CLN6: variants seen among roughly 807,000 people sequenced by gnomAD.
CLN6 encodes CLN6 transmembrane ER protein, also known as ceroid-lipofuscinosis neuronal protein 6.
CLN6 carries 22 observed loss-of-function variants against 33.3 expected under a neutral mutation model. The observed-to-expected ratio is 0.66, with a 90% CI of 0.47 to 0.94. The LOEUF (loss-of-function observed/expected upper bound fraction) is 0.94. CLN6 is among the 40% of genes least tolerant of loss of function. CLN6 has a pLI of 0.00. For missense variants in CLN6, 387 were observed against 417.1 expected (o/e 0.93, Z 0.63); for synonymous variants, 201 against 174.6 (o/e 1.15, Z -1.19).
intron 1 of CLN6, among the ~76,000 whole-genome samples, chr15:68,224,338 T>C (rs2093246066): frequency 1.4e-5 from 2 of 147,494 alleles, no homozygotes; most frequent in Admixed American, 1.4e-4. Context: ...AAATCAAGAT[T>C]AGACTGGGCA....
At chr15:68,221,044 G>A (rs35082625) in intron 1 of CLN6, among the ~76,000 whole-genome samples, 56,782 of 151,300 alleles carry the variant, frequency 0.38, 12,820 homozygotes, top group East Asian at 0.78. Context: ...TAGAGATGAG[G>A]TCTCACTATG....
At chr15:68,233,535 C>T (rs954915510), upstream of CLN6, among the ~76,000 whole-genome samples, 7 of 152,206 alleles carry the variant, frequency 4.6e-5, no homozygotes, top group Non-Finnish European at 8.8e-5. The surrounding 1 kb of genome is among the most constrained non-coding windows in gnomAD (Gnocchi z 4.3). Flanking sequence ...AATCCAGTAC[C>T]CTTTCTATCC....
upstream of CLN6, among the ~76,000 whole-genome samples, chr15:68,230,632 T>G (rs1322129008): frequency 6.6e-6 from 1 of 152,218 alleles, no homozygotes. The surrounding 1 kb of genome is among the most constrained non-coding windows in gnomAD (Gnocchi z 4.0). Context: ...TACTCATCTG[T>G]AACAAGAAGA....
rs1157594119 is a variant in CLN6 at position 68,247,322 on chromosome 15, T to C, written c.179+9368A>G. Among the ~76,000 whole-genome samples, 1 of 152,114 alleles carries C rather than the reference T, an allele frequency of 6.6e-6. No homozygotes were observed. The highest frequency in any genetic ancestry group is 2.4e-5 in the African/African-American group (1 of 41,386). ...AAACAAATGCAGTAAAGTCGCTGGA[T>C]ACAAAATCAACAGACAAAAATCTGT... is the stretch of plus-strand genomic sequence containing the variant. On this transcript the variant is annotated intron_variant, in intron 1 of 6. Transcript: ENST00000538696. This position sits in a 1 kb window ranked among gnomAD's most constrained non-coding sequence, Gnocchi z 4.2.
chr15:68,232,160 ATT>A (rs5813478), upstream of CLN6, among the ~76,000 whole-genome samples: 1 of 142,408 alleles, frequency 7.0e-6, no homozygotes, highest in Admixed American at 7.0e-5. This position sits in a 1 kb window ranked among gnomAD's most constrained non-coding sequence, Gnocchi z 4.7. Flanking sequence ...TGTATCCGAT[ATT>A]TTTTTTTTTT....
Position 68,211,228 on chromosome 15 carries a change from G to C in CLN6, c.542+35C>G, listed in dbSNP as rs763264386. 2.5e-6 allele frequency: 4 copies of C among 1,605,550 alleles called. No homozygotes were observed. The highest frequency in any genetic ancestry group is 2.2e-5 in the South Asian group (2 of 90,928). On this transcript the variant is annotated intron_variant, in intron 5 of 6. Coordinates refer to ENST00000249806, the MANE Select transcript of CLN6 (RefSeq NM_017882.3). This position sits in a 1 kb window ranked among gnomAD's most constrained non-coding sequence, Gnocchi z 5.9. ...AGTGACAGGGCTAGCCGGTAGTTGGGGCCCCTGGGATAGACAGATGGGCCC... is the reference window on the plus strand; with the variant it reads ...AGTGACAGGGCTAGCCGGTAGTTGGCGCCCCTGGGATAGACAGATGGGCCC...
rs1192780768 is a variant in CLN6, at chr15:68,213,938, G to A, written c.297+352C>T. 8.6e-5 allele frequency: 26 copies of A among 302,516 alleles called. No homozygotes were observed. In the Admixed American group the frequency reaches 1.1e-3, roughly 13 times the overall value. The allele number at this position is 302,516 out of a possible 1,614,324, so 18.7% of individuals were successfully genotyped here. ...CCCAGTGGGTCCTTGACCTCTCCCTGGACCTCCAGTCACTTCTGCCTCAGC... is the reference window on the plus strand; with the variant it reads ...CCCAGTGGGTCCTTGACCTCTCCCTAGACCTCCAGTCACTTCTGCCTCAGC... On this transcript the variant is annotated intron_variant, in intron 3 of 6. Coordinates refer to ENST00000249806, the MANE Select transcript of CLN6 (RefSeq NM_017882.3).
Position 68,212,070 on chromosome 15 carries a change from C to A in CLN6, c.298-207G>T. 5 of 599,196 alleles carry A rather than the reference C, an allele frequency of 8.3e-6. No homozygotes were observed. In the South Asian group the frequency reaches 9.9e-5, roughly 12 times the overall value. The allele number at this position is 599,196 out of a possible 1,614,324, so 37.1% of individuals were successfully genotyped here. A position where few individuals can be genotyped will look rare whatever the true frequency, so the allele number is the denominator to read the frequency against. On this transcript the variant is annotated intron_variant, in intron 3 of 6. Coordinates refer to ENST00000249806, the MANE Select transcript of CLN6 (RefSeq NM_017882.3). ...CCCCGGAGGGAATGTGGAGCAGCAC[C>A]CCCCGCTGACTTTACCCAGGGAGCA...
intron 1 of CLN6, chr15:68,254,973 G>A (rs771136958): frequency 1.4e-5 from 12 of 836,868 alleles, no homozygotes; most frequent in Non-Finnish European, 1.8e-5. Flanking sequence ...TTTTTATCAA[G>A]TTTTACAAAA....
At chr15:68,245,026 C>A (rs1196376603) in intron 1 of CLN6, among the ~76,000 whole-genome samples, 144 of 83,666 alleles carry the variant, frequency 1.7e-3, no homozygotes, top group African/African-American at 8.2e-3. Flanking sequence ...CAGAGCAAGA[C>A]TCTGACAAAA....
chr15:68,249,582 T>C (rs73427826), intron 1 of CLN6, among the ~76,000 whole-genome samples: 1 of 152,084 alleles, frequency 6.6e-6, no homozygotes, highest in Admixed American at 6.5e-5. Flanking sequence ...AAGACAAATA[T>C]ATCTCATGTT....
Position 68,256,932 on chromosome 15 carries a change from T to C in CLN6, c.-64A>G. 8.0e-6 allele frequency: 5 copies of C among 621,898 alleles called. No individual in the cohort carries two copies. The highest frequency in any genetic ancestry group is 1.2e-5 in the Non-Finnish European group (4 of 346,884). The allele number at this position is 621,898 out of a possible 1,614,324, so 38.5% of individuals were successfully genotyped here. On this transcript the variant is annotated 5_prime_UTR_variant, in exon 1 of 7. Transcript: ENST00000538696. This position sits in a 1 kb window ranked among gnomAD's most constrained non-coding sequence, Gnocchi z 4.1. ...GGGTCAGGGTGCGCGTCCCACCGCG[T>C]CGTGGGGCAGGGTGTAGTGATGGTC... is the stretch of plus-strand genomic sequence containing the variant.
At position 68,256,331 on chromosome 15, in the gene CLN6, ACTC is replaced by A. The variant is rs1892435948; in HGVS notation, c.179+356_179+358del. Among the ~76,000 whole-genome samples, 1 of 149,122 alleles carries A rather than the reference ACTC, an allele frequency of 6.7e-6. No homozygotes were observed. The highest frequency in any genetic ancestry group is 6.7e-5 in the Admixed American group (1 of 15,014). ...ACTATGTTGGCCAGGCTGGTTGAGA[ACTC>A]CTGACCTCAAGTGATCCGCCTGCCT... On this transcript the variant is annotated intron_variant, in intron 1 of 6. Transcript: ENST00000538696. This position sits in a 1 kb window ranked among gnomAD's most constrained non-coding sequence, Gnocchi z 4.1.
intron 1 of CLN6, among the ~76,000 whole-genome samples, chr15:68,239,432 C>T (rs1892262173): frequency 6.6e-6 from 1 of 151,950 alleles, no homozygotes; most frequent in South Asian, 2.1e-4. Flanking sequence ...GTGGTTTTTG[C>T]TATTACTTTT....
At chr15:68,221,405 T>C (rs573094774) in intron 1 of CLN6, among the ~76,000 whole-genome samples, 178 of 152,178 alleles carry the variant, frequency 1.2e-3, no homozygotes, top group African/African-American at 4.1e-3. Context: ...CTGGTTTTTG[T>C]ATTTTTGGTG....
intron 1 of CLN6, among the ~76,000 whole-genome samples, chr15:68,251,658 C>G (rs1045071049): frequency 2.8e-5 from 4 of 145,166 alleles, no homozygotes; most frequent in Non-Finnish European, 1.5e-5. Flanking sequence ...CTGGGTGACA[C>G]AGTGAGACAC....
intron 1 of CLN6, 70 bp from the exon 2 acceptor site, chr15:68,218,720 GC>G: frequency 8.7e-7 from 1 of 1,143,358 alleles, no homozygotes; most frequent in Non-Finnish European, 1.3e-6. Context: ...CCTGAGATTA[GC>G]CACAAAGAGG....
At chr15:68,212,896 C>A (rs10467939) in intron 3 of CLN6, 72,986 of 151,986 alleles carry the variant, frequency 0.48, 18,283 homozygotes, top group Non-Finnish European at 0.56. Context: ...GTACATGAAA[C>A]AAAGTTTGTG....
upstream of CLN6, chr15:68,229,818 G>A (rs372547124): frequency 1.0e-3 from 225 of 223,226 alleles, 4 homozygotes; most frequent in East Asian, 0.024. Flanking sequence ...CTCCGCTAGG[G>A]GAGGGCCGGG....
Sources: allele counts gnomAD v4.1 joint callset (sites outside exome capture counted in the v4.1 genomes callset), GRCh38; gene constraint gnomAD v4.1.1; non-coding constraint Gnocchi (gnomAD v3.1); transcripts MANE v1.5; gene names NCBI Gene and HGNC (gene_info 2026-07-23, HGNC 2026-07-21).